The following PIK3C2G variants were observed in gnomAD, a reference collection of about 807,000 sequenced individuals.
PIK3C2G encodes phosphatidylinositol 3-kinase C2 domain-containing subunit gamma.
PIK3C2G carries 168 observed loss-of-function variants against 181.1 expected under a neutral mutation model. The ratio of observed to expected loss-of-function variants is 0.93; its 90% CI spans 0.82 to 1.05. The LOEUF is 1.05. PIK3C2G is among the 50% of genes least tolerant of loss of function. PIK3C2G has a pLI of 0.00. For synonymous variants in PIK3C2G, 573 were observed against 592.2 expected (o/e 0.97, Z 0.47); for missense variants, 1,869 against 1,732.8 (o/e 1.08, Z -1.40).
intron 24 of PIK3C2G, among the ~76,000 whole-genome samples, chr12:18,534,709 T>C (rs1338147647): frequency 6.6e-6 from 1 of 150,734 alleles, no homozygotes; most frequent in Non-Finnish European, 1.5e-5. Flanking sequence ...AAGAAAGGCT[T>C]CTGATCCTGA....
chr12:18,501,832 G>A (rs1010744889), intron 22 of PIK3C2G, among the ~76,000 whole-genome samples: 17 of 152,166 alleles, frequency 1.1e-4, no homozygotes, highest in African/African-American at 3.9e-4. Context: ...AATTGACATT[G>A]CTGCAGCAAA....
the PIK3C2G span, among the ~76,000 whole-genome samples, chr12:18,724,354 G>A: frequency 2.6e-5 from 4 of 152,090 alleles, no homozygotes; most frequent in Non-Finnish European, 5.9e-5. Flanking sequence ...AAGAATGACT[G>A]GGGTCAGGGA....
At chr12:18,564,142 A>G (rs1036572518) in intron 28 of PIK3C2G, among the ~76,000 whole-genome samples, 9 of 151,908 alleles carry the variant, frequency 5.9e-5, no homozygotes, top group Admixed American at 5.2e-4. Flanking sequence ...ATTTTCATTT[A>G]TGTTGTAATG....
At chr12:18,335,071 A>C (rs1464583463) in intron 8 of PIK3C2G, among the ~76,000 whole-genome samples, 2 of 151,958 alleles carry the variant, frequency 1.3e-5, no homozygotes, top group African/African-American at 4.8e-5. Context: ...TCACATAATC[A>C]TTTTTCTTAC....
At chr12:18,626,667 G>GAT (rs1057386569) in intron 31 of PIK3C2G, among the ~76,000 whole-genome samples, 1 of 151,972 alleles carries the variant, frequency 6.6e-6, no homozygotes, top group African/African-American at 2.4e-5. Flanking sequence ...TTGAAAGACA[G>GAT]ATTTTCTGGG....
chr12:18,536,693 T>A (rs910606761), intron 24 of PIK3C2G, among the ~76,000 whole-genome samples: 1 of 145,970 alleles, frequency 6.9e-6, no homozygotes, highest in Admixed American at 6.7e-5. Context: ...AGGTCCAGAA[T>A]TAGAACCTAT....
At chr12:18,676,345 A>G in the PIK3C2G span, among the ~76,000 whole-genome samples, 1 of 152,054 alleles carries the variant, frequency 6.6e-6, no homozygotes, top group African/African-American at 2.4e-5. Context: ...TTGTAACTGA[A>G]AGAATCTAAT....
chr12:18,360,303 TTGA>T (rs1339874551), intron 11 of PIK3C2G, among the ~76,000 whole-genome samples: 7 of 152,204 alleles, frequency 4.6e-5, no homozygotes, highest in Non-Finnish European at 7.4e-5. Context: ...CTTTATGTTA[TTGA>T]TGTTAAAAAT....
intron 5 of PIK3C2G, among the ~76,000 whole-genome samples, chr12:18,300,291 AT>A (rs1950119256): frequency 6.6e-6 from 1 of 152,006 alleles, no homozygotes. Flanking sequence ...TTGGATACAT[AT>A]AAATATGTAT....
Position 18,427,526 on chromosome 12 carries a change from A to G in PIK3C2G, c.2504+3487A>G, listed in dbSNP as rs1381882203. 2.7e-5 allele frequency among the ~76,000 whole-genome samples: 4 copies of G among 150,788 alleles called. No homozygotes were observed. In the South Asian group the frequency reaches 6.2e-4, roughly 23 times the overall value. ...AAAAAAAAAAAAAAAAAAAGTTTTA[A>G]AAGTATATTAAAAATATAATAAAAT... On this transcript the variant is annotated intron_variant, in intron 18 of 32. Transcript: ENST00000538779.
intron 31 of PIK3C2G, among the ~76,000 whole-genome samples, chr12:18,631,690 C>G (rs138495336): frequency 6.6e-6 from 1 of 152,004 alleles, no homozygotes; most frequent in African/African-American, 2.4e-5. Flanking sequence ...TGAACCAAAG[C>G]GAAAAAGAAG....
chr12:18,642,613 G>A (rs150949553), intron 32 of PIK3C2G, among the ~76,000 whole-genome samples: 420 of 152,228 alleles, frequency 2.8e-3, no homozygotes, highest in African/African-American at 9.7e-3. Context: ...CTGTCACCTC[G>A]TGGACTCACA....
chr12:18,555,316 G>A (rs947506011), intron 26 of PIK3C2G, among the ~76,000 whole-genome samples: 1 of 152,066 alleles, frequency 6.6e-6, no homozygotes, highest in Non-Finnish European at 1.5e-5. Context: ...AGCGAAAAAT[G>A]TTTGCCATTT....
At chr12:18,626,795 C>A (rs997346143) in intron 31 of PIK3C2G, among the ~76,000 whole-genome samples, 1 of 151,844 alleles carries the variant, frequency 6.6e-6, no homozygotes, top group African/African-American at 2.4e-5. Context: ...TGTATTGGGA[C>A]TCCTTTTGCT....
chr12:18,690,949 CATG>C, the PIK3C2G span, among the ~76,000 whole-genome samples: 1 of 152,072 alleles, frequency 6.6e-6, no homozygotes, highest in Non-Finnish European at 1.5e-5. Context: ...ATTACGTATG[CATG>C]ATAATATTAG....
At chr12:18,649,488 T>C (rs1205799202), downstream of PIK3C2G, among the ~76,000 whole-genome samples, 1 of 152,158 alleles carries the variant, frequency 6.6e-6, no homozygotes. Context: ...CATGATGTTA[T>C]GTCTCCCATC....
At chr12:18,264,069 G>C (rs954665982) in intron 1 of PIK3C2G, among the ~76,000 whole-genome samples, 2 of 151,858 alleles carry the variant, frequency 1.3e-5, no homozygotes, top group Admixed American at 6.6e-5. Flanking sequence ...TTTTGTTGTT[G>C]TTTTCATTCT....
the PIK3C2G span, among the ~76,000 whole-genome samples, chr12:18,715,305 T>TTGGTGAATC: frequency 1.3e-5 from 2 of 151,548 alleles, no homozygotes; most frequent in Non-Finnish European, 2.9e-5. Context: ...AGAAAGAGAA[T>TTGGTGAATC]TGGTGAATCT....
chr12:18,405,397 G>GTGTTGTTGT (rs58282294), intron 16 of PIK3C2G, among the ~76,000 whole-genome samples: 3,739 of 139,838 alleles, frequency 0.027, 62 homozygotes, highest in Middle Eastern at 0.05. Flanking sequence ...AGCAACATTT[G>GTGTTGTTGT]TGTTGTTGTT....
Sources: gnomAD v4.1 joint callset for allele counts (sites outside exome capture counted in the v4.1 genomes callset) on GRCh38, gnomAD v4.1.1 for gene constraint, MANE v1.5 for transcripts, NCBI Gene and HGNC (gene_info 2026-07-23, HGNC 2026-07-21) for gene names.